ICA1: variants seen among roughly 807,000 people sequenced by gnomAD.
ICA1 encodes the protein islet cell autoantigen 1.
ICA1 carries 40 observed loss-of-function variants against 71.0 expected under a neutral mutation model. The observed-to-expected ratio is 0.56, with a 90% confidence interval of 0.44 to 0.73. The LOEUF (loss-of-function observed/expected upper bound fraction) is 0.73, where lower values mean the gene tolerates loss of function less well. Among genes scored for constraint, ICA1 ranks in the 30% least tolerant of loss-of-function variants. The probability of loss-of-function intolerance (pLI) is 0.00; values close to 1 mark genes in which losing one functional copy is unlikely to be tolerated. For synonymous variants in ICA1, 207 were observed against 209.5 expected (o/e 0.99, Z 0.10); for missense variants, 578 against 576.5 (o/e 1.00, Z -0.03).
intron 6 of ICA1, 39 bp downstream of exon 6, chr7:8,218,266 G>GC (rs1369644810): frequency 1.3e-6 from 2 of 1,564,756 alleles, no homozygotes; most frequent in Admixed American, 3.3e-5. Context: ...TTACCTTCCA[G>GC]CAGGTACCCC....
chr7:8,175,194 G>C (rs542246235), intron 6 of ICA1, among the ~76,000 whole-genome samples: 4 of 152,272 alleles, frequency 2.6e-5, no homozygotes, highest in African/African-American at 9.6e-5. Context: ...CTCAAGGAGG[G>C]AGCAGGGTAG....
chr7:8,182,399 T>C (rs537785142), intron 6 of ICA1, among the ~76,000 whole-genome samples: 1 of 152,218 alleles, frequency 6.6e-6, no homozygotes, highest in East Asian at 1.9e-4. Context: ...GAGCTCTGCA[T>C]AGTGCCTAAC....
chr7:8,169,898 C>CCGAGTGTG (rs1554305203), intron 6 of ICA1, among the ~76,000 whole-genome samples: 1 of 21,284 alleles, frequency 4.7e-5, no homozygotes, highest in Non-Finnish European at 1.0e-4. Context: ...GTTTTAATGC[C>CCGAGTGTG]TGAGTGTGTG....
intron 1 of ICA1, among the ~76,000 whole-genome samples, chr7:8,261,308 G>A (rs570667439): frequency 4.0e-4 from 61 of 152,332 alleles, no homozygotes; most frequent in East Asian, 1.2e-3. Flanking sequence ...TAAAAAGACA[G>A]TGGGAAAGGT....
intron 8 of ICA1, among the ~76,000 whole-genome samples, chr7:8,148,007 T>C (rs1797623406): frequency 6.6e-6 from 1 of 152,132 alleles, no homozygotes; most frequent in Non-Finnish European, 1.5e-5. Context: ...CCAGTGTGAA[T>C]GACCGTGGGG....
At chr7:8,225,214 GTTCCCTCA>G (rs1270818255) in intron 4 of ICA1, among the ~76,000 whole-genome samples, 3 of 152,130 alleles carry the variant, frequency 2.0e-5, no homozygotes, top group Non-Finnish European at 4.4e-5. Context: ...TGATTTTGTA[GTTCCCTCA>G]TTCTTTCTAT....
chr7:8,235,035 A>G (rs1801409811), intron 2 of ICA1, among the ~76,000 whole-genome samples: 2 of 152,078 alleles, frequency 1.3e-5, no homozygotes, highest in Non-Finnish European at 1.5e-5. Flanking sequence ...GTGGTGGCAC[A>G]TGCCTGTAAT....
At position 8,226,964 on chromosome 7, in the gene ICA1, G is replaced by A. The variant is rs1428606747; in HGVS notation, c.256+1637C>T. On this transcript the variant is annotated intron_variant, in intron 4 of 13. Coordinates refer to ENST00000402384, the MANE Select transcript of ICA1 (RefSeq NM_001136020.3). This position sits in a 1 kb window ranked among gnomAD's most constrained non-coding sequence, Gnocchi z 4.4. ...CTGTTTAGAGAATCACTATTTACAG[G>A]AAATATGCAAGCATCCTTCTTTTCT... Among the ~76,000 whole-genome samples, 2 of 152,116 alleles carry A rather than the reference G, an allele frequency of 1.3e-5. No individual in the cohort carries two copies. Among genetic ancestry groups the A allele is most frequent in the African/African-American group, 2.4e-5 (1 of 41,434 alleles).
rs190421699 is a variant in ICA1 at position 8,232,011 on chromosome 7, G to A, written c.183+579C>T. ...TGTTATTTATAGAAATGATAGGTATGCTTTCAAAATTTTAATCTAAACTAT... is the reference window on the plus strand; with the variant it reads ...TGTTATTTATAGAAATGATAGGTATACTTTCAAAATTTTAATCTAAACTAT... On this transcript the variant is annotated intron_variant, in intron 3 of 13. Transcript: ENST00000402384. Among the ~76,000 whole-genome samples, 11 of 152,250 alleles carry A rather than the reference G, an allele frequency of 7.2e-5. No homozygotes were observed. The East Asian group carries it at 1.9e-3, about 27-fold the overall frequency.
At chr7:8,180,164 T>G (rs1554316614) in intron 6 of ICA1, among the ~76,000 whole-genome samples, 1 of 151,932 alleles carries the variant, frequency 6.6e-6, no homozygotes, top group Non-Finnish European at 1.5e-5. Context: ...TCCAGAAGAC[T>G]CCCTTGTATT....
chr7:8,166,498 T>G (rs1337644222), intron 6 of ICA1, among the ~76,000 whole-genome samples: 1 of 152,160 alleles, frequency 6.6e-6, no homozygotes, highest in East Asian at 1.9e-4. Context: ...CAACTCAAGA[T>G]GAATTAAAGA....
intron 12 of ICA1, among the ~76,000 whole-genome samples, chr7:8,137,119 C>A (rs1793700768): frequency 6.7e-6 from 1 of 148,366 alleles, no homozygotes; most frequent in Non-Finnish European, 1.5e-5. Flanking sequence ...GGTAAACAAA[C>A]ACTAAGATAC....
intron 6 of ICA1, among the ~76,000 whole-genome samples, chr7:8,208,485 C>T (rs1792425363): frequency 6.6e-6 from 1 of 152,118 alleles, no homozygotes; most frequent in Non-Finnish European, 1.5e-5. Context: ...GGCTAACCCA[C>T]CAGGGTACAA....
At position 8,234,245 on chromosome 7, in the gene ICA1, G is replaced by T. The variant is rs1356124490; in HGVS notation, c.18-1490C>A. Among the ~76,000 whole-genome samples, 4 of 152,158 alleles carry T rather than the reference G, an allele frequency of 2.6e-5. No homozygotes were observed. Among genetic ancestry groups the T allele is most frequent in the Admixed American group, 1.3e-4 (2 of 15,258 alleles). On this transcript the variant is annotated intron_variant, in intron 2 of 13. Transcript: ENST00000402384. This position sits in a 1 kb window ranked among gnomAD's most constrained non-coding sequence, Gnocchi z 4.5. ...AAAAGAAAAAAGAGAAGAAAAAAGA[G>T]AAAAGAAACAAAAGTAATTGAAAAT...
At chr7:8,117,790 CA>C (rs1287985573) in intron 13 of ICA1, among the ~76,000 whole-genome samples, 1 of 152,170 alleles carries the variant, frequency 6.6e-6, no homozygotes, top group Non-Finnish European at 1.5e-5. Flanking sequence ...GCAGTGAAAC[CA>C]ATGTCCAGAG....
At chr7:8,237,819 G>GACACACACAC (rs57343882) in intron 1 of ICA1, among the ~76,000 whole-genome samples, 2,239 of 142,120 alleles carry the variant, frequency 0.016, 59 homozygotes, top group African/African-American at 0.052. Context: ...GTTGAAGACA[G>GACACACACAC]ACACACACAC....
intron 6 of ICA1, among the ~76,000 whole-genome samples, chr7:8,201,871 C>G (rs555823090): frequency 6.6e-6 from 1 of 152,072 alleles, no homozygotes; most frequent in Non-Finnish European, 1.5e-5. Context: ...ATTCCTAGGG[C>G]TGAGGAAGGA....
Position 8,223,309 on chromosome 7 carries a change from C to A in ICA1, c.257-1911G>T, listed in dbSNP as rs1279253073. On this transcript the variant is annotated intron_variant, in intron 4 of 13. Transcript: ENST00000402384. The surrounding 1 kb of genome is among the most constrained non-coding windows in gnomAD (Gnocchi z 4.1). ...CATTTAGCTTAAGGCTAGGAAGAAACCAATTTGTGGTACCTGAATAATTAC... is the reference window on the plus strand; with the variant it reads ...CATTTAGCTTAAGGCTAGGAAGAAAACAATTTGTGGTACCTGAATAATTAC... Among the ~76,000 whole-genome samples, 2 of 152,136 alleles carry A rather than the reference C, an allele frequency of 1.3e-5. No individual in the cohort carries two copies. Among genetic ancestry groups the A allele is most frequent in the Non-Finnish European group, 2.9e-5 (2 of 68,022 alleles).
chr7:8,115,827 C>T (rs1784617518), intron 13 of ICA1, among the ~76,000 whole-genome samples: 1 of 152,220 alleles, frequency 6.6e-6, no homozygotes, highest in African/African-American at 2.4e-5. Context: ...ATCTCATGAA[C>T]TTGAAATGAC....
Sources: gnomAD v4.1 joint callset for allele counts (sites outside exome capture counted in the v4.1 genomes callset) on GRCh38, gnomAD v4.1.1 for gene constraint, Gnocchi (gnomAD v3.1) non-coding constraint, MANE v1.5 for transcripts, NCBI Gene and HGNC (gene_info 2026-07-23, HGNC 2026-07-21) for gene names.